Variants in NELL1 observed in about 807,000 individuals in gnomAD.
NELL1 encodes the protein neural EGFL like 1, also known as protein kinase C-binding protein NELL1.
NELL1 carries 76 observed loss-of-function variants against 107.4 expected under a neutral mutation model. That is an observed-to-expected ratio of 0.71 (90% CI 0.59 to 0.86). The LOEUF (loss-of-function observed/expected upper bound fraction) is 0.86, where lower values mean the gene tolerates loss of function less well. Ranked by LOEUF, NELL1 falls within the 40% of genes least tolerant of loss-of-function variation. NELL1 has a pLI of 0.00. For missense variants in NELL1, 1,024 were observed against 1,005.5 expected (o/e 1.02, Z -0.25); for synonymous variants, 353 against 341.2 (o/e 1.03, Z -0.38).
At chr11:21,388,777 T>C (rs1326215844) in intron 15 of NELL1, among the ~76,000 whole-genome samples, 1 of 151,846 alleles carries the variant, frequency 6.6e-6, no homozygotes, top group Non-Finnish European at 1.5e-5. Flanking sequence ...AGGTATGGTG[T>C]AATACATCCC....
chr11:21,164,643 G>T (rs946380687), intron 13 of NELL1, among the ~76,000 whole-genome samples: 2 of 152,110 alleles, frequency 1.3e-5, no homozygotes, highest in African/African-American at 4.8e-5. Context: ...AAATGCATTA[G>T]TTGTTTTGGC....
At chr11:21,332,117 T>G (rs1413344438) in intron 14 of NELL1, among the ~76,000 whole-genome samples, 3 of 152,086 alleles carry the variant, frequency 2.0e-5, no homozygotes, top group Non-Finnish European at 4.4e-5. Context: ...CTCTTACTGA[T>G]CAGAACTTTA....
intron 14 of NELL1, among the ~76,000 whole-genome samples, chr11:21,253,946 G>A (rs988112658): frequency 6.6e-6 from 1 of 152,090 alleles, no homozygotes; most frequent in Admixed American, 6.6e-5. Flanking sequence ...GACTAGGAAG[G>A]TTTGAAGAAG....
At chr11:20,958,327 C>T (rs1422440224) in intron 11 of NELL1, among the ~76,000 whole-genome samples, 1 of 152,072 alleles carries the variant, frequency 6.6e-6, no homozygotes, top group Non-Finnish European at 1.5e-5. Flanking sequence ...GTGGGAGGAT[C>T]ACTTTAGCCC....
At chr11:21,116,431 A>G (rs980789844) in intron 13 of NELL1, among the ~76,000 whole-genome samples, 5 of 151,916 alleles carry the variant, frequency 3.3e-5, no homozygotes, top group African/African-American at 1.2e-4. Flanking sequence ...AACAACTCCT[A>G]AATGTATCGC....
chr11:21,206,941 T>C (rs1857402367), intron 13 of NELL1, among the ~76,000 whole-genome samples: 2 of 152,142 alleles, frequency 1.3e-5, no homozygotes, highest in South Asian at 4.1e-4. Context: ...CTCTTCACAG[T>C]AGAGAGACAA....
chr11:20,943,807 A>G (rs764874808), intron 10 of NELL1, among the ~76,000 whole-genome samples: 8 of 152,324 alleles, frequency 5.3e-5, no homozygotes, highest in Admixed American at 1.3e-4. Context: ...TGACTTGGAA[A>G]TAATTCTCAA....
chr11:20,863,990 C>T (rs887739367), intron 4 of NELL1, among the ~76,000 whole-genome samples: 1 of 152,102 alleles, frequency 6.6e-6, no homozygotes, highest in African/African-American at 2.4e-5. Context: ...CGCCTGCAAT[C>T]GCAGGCACTC....
intron 15 of NELL1, among the ~76,000 whole-genome samples, chr11:21,462,496 T>C (rs937499107): frequency 6.6e-6 from 1 of 152,080 alleles, no homozygotes; most frequent in Non-Finnish European, 1.5e-5. Context: ...GTCTCCCCTA[T>C]TGGGAGGTGG....
chr11:21,404,353 A>AT (rs934965994), intron 15 of NELL1, among the ~76,000 whole-genome samples: 12 of 152,014 alleles, frequency 7.9e-5, no homozygotes, highest in African/African-American at 2.9e-4. Flanking sequence ...TTTATATGGA[A>AT]TTTAGGGGCA....
At chr11:21,296,522 A>G (rs1052918876) in intron 14 of NELL1, among the ~76,000 whole-genome samples, 11 of 151,988 alleles carry the variant, frequency 7.2e-5, no homozygotes, top group African/African-American at 2.7e-4. Flanking sequence ...AAAAATACAA[A>G]TGTAAATACT....
At chr11:21,366,945 T>C (rs1851235250) in intron 14 of NELL1, among the ~76,000 whole-genome samples, 1 of 151,720 alleles carries the variant, frequency 6.6e-6, no homozygotes, top group Non-Finnish European at 1.5e-5. Flanking sequence ...TTTGTTGAAT[T>C]GAGTACATGG....
At chr11:20,737,743 G>T (rs1564887007) in intron 2 of NELL1, among the ~76,000 whole-genome samples, 1 of 151,772 alleles carries the variant, frequency 6.6e-6, no homozygotes, top group East Asian at 1.9e-4. Flanking sequence ...ATTGGTTACA[G>T]TCTCTACTAT....
At chr11:21,421,925 T>C (rs944783196) in intron 15 of NELL1, among the ~76,000 whole-genome samples, 1 of 152,104 alleles carries the variant, frequency 6.6e-6, no homozygotes, top group Non-Finnish European at 1.5e-5. Flanking sequence ...ATGTGAGGAA[T>C]CCTCAACAAG....
intron 15 of NELL1, among the ~76,000 whole-genome samples, chr11:21,497,167 G>T (rs1470978646): frequency 9.0e-6 from 1 of 110,660 alleles, no homozygotes; most frequent in Non-Finnish European, 1.7e-5. Flanking sequence ...TGGGGTGGGG[G>T]GAGGGGGGAG....
At chr11:20,700,859 T>C (rs942514622) in intron 2 of NELL1, among the ~76,000 whole-genome samples, 4 of 152,112 alleles carry the variant, frequency 2.6e-5, no homozygotes, top group Non-Finnish European at 2.9e-5. Context: ...TATGGCTGCC[T>C]AGTATTCCAT....
At chr11:21,250,886 A>G (rs1042635935) in intron 14 of NELL1, among the ~76,000 whole-genome samples, 23 of 152,112 alleles carry the variant, frequency 1.5e-4, no homozygotes, top group African/African-American at 5.5e-4. Flanking sequence ...AGCATACCTT[A>G]CCCTATTCTT....
chr11:20,927,528 A>G (rs918346672), intron 8 of NELL1, 86 bp downstream of exon 8: 1 of 1,293,110 alleles, frequency 7.7e-7, no homozygotes, highest in Admixed American at 2.6e-5. Flanking sequence ...TCTTTAATAA[A>G]TAATATTAAC....
chr11:20,786,469 C>T (rs528292800), intron 3 of NELL1, among the ~76,000 whole-genome samples: 1 of 152,076 alleles, frequency 6.6e-6, no homozygotes, highest in East Asian at 1.9e-4. Flanking sequence ...ATATCTGAGT[C>T]ACACAGCACC....
Sources: gnomAD v4.1 joint callset for allele counts (sites outside exome capture counted in the v4.1 genomes callset) on GRCh38, gnomAD v4.1.1 for gene constraint, MANE v1.5 for transcripts, NCBI Gene and HGNC (gene_info 2026-07-23, HGNC 2026-07-21) for gene names.